TPCN1: variants seen among roughly 807,000 people sequenced by gnomAD.
The protein encoded by TPCN1 is two pore segment channel 1.
Under a neutral mutation model 108.8 loss-of-function variants are expected in TPCN1, and 52 were observed. That is an observed-to-expected ratio of 0.48 (90% CI 0.38 to 0.60). The LOEUF is 0.60. Among genes scored for constraint, TPCN1 ranks in the 20% least tolerant of loss-of-function variants. The pLI, the probability that TPCN1 is intolerant of heterozygous loss-of-function variation, is 0.00. For synonymous variants in TPCN1, 446 were observed against 433.7 expected, an observed-to-expected ratio of 1.03 and a Z score of -0.35; for missense variants, 806 against 1,072.8, an observed-to-expected ratio of 0.75 and a Z score of 3.47.
At chr12:113,278,283 C>T in intron 13 of TPCN1, 46 bp downstream of exon 13, 1 of 1,563,584 alleles carries the variant, frequency 6.4e-7, no homozygotes, top group Non-Finnish European at 8.8e-7. Context: ...AGAGAGGTCC[C>T]CACGTGGGGC....
At chr12:113,251,362 A>G (rs1053085259) in intron 2 of TPCN1, among the ~76,000 whole-genome samples, 1 of 152,248 alleles carries the variant, frequency 6.6e-6, no homozygotes, top group African/African-American at 2.4e-5. Context: ...CTTGGGCAAC[A>G]TAGTGAGACC....
chr12:113,240,618 T>C (rs533102354), intron 2 of TPCN1, among the ~76,000 whole-genome samples: 4 of 152,204 alleles, frequency 2.6e-5, no homozygotes, highest in Non-Finnish European at 4.4e-5. Flanking sequence ...TCTTAAGGGA[T>C]GTGAGTTGGT....
chr12:113,280,044 T>G (rs1017428362), intron 14 of TPCN1, 107 bp from the exon 15 acceptor site: 2 of 792,476 alleles, frequency 2.5e-6, no homozygotes, highest in African/African-American at 1.7e-5. Context: ...GCACGAAGAG[T>G]GTGGTAGGTG....
Position 113,273,224 on chromosome 12 carries a change from C to G in TPCN1, c.784-8C>G. On this transcript the variant is annotated splice_polypyrimidine_tract_variant and splice_region_variant and intron_variant, in intron 8 of 27. Transcript: ENST00000335509. The surrounding 1 kb of genome is among the most constrained non-coding windows in gnomAD (Gnocchi z 4.0). ...GTCCCGACTTCTCTGCCCTCTCTTC[C>G]CTTGCAGTACTTCAGCACCCTGGAG... The G allele has an allele frequency of 6.2e-7, 1 of 1,614,210 alleles. No homozygotes were observed. Among genetic ancestry groups the G allele is most frequent in the Non-Finnish European group, 8.5e-7 (1 of 1,180,006 alleles).
intron 2 of TPCN1, among the ~76,000 whole-genome samples, chr12:113,235,433 G>A (rs1361001280): frequency 6.7e-6 from 1 of 149,666 alleles, no homozygotes; most frequent in Non-Finnish European, 1.5e-5. Flanking sequence ...TTTTTTTATT[G>A]TTGTTAGCTT....
intron 15 of TPCN1, among the ~76,000 whole-genome samples, chr12:113,282,515 C>A (rs1298501756): frequency 6.6e-6 from 1 of 151,276 alleles, no homozygotes. Flanking sequence ...TTCAGGAGGC[C>A]GAGGCGGGTG....
chr12:113,261,990 T>G (rs2136586805), intron 3 of TPCN1, among the ~76,000 whole-genome samples: 1 of 152,330 alleles, frequency 6.6e-6, no homozygotes, highest in South Asian at 2.1e-4. Flanking sequence ...AAGTATTTCC[T>G]CTTTACTGAG....
chr12:113,277,949 T>C (rs543294004), intron 12 of TPCN1, among the ~76,000 whole-genome samples: 15 of 152,298 alleles, frequency 9.8e-5, no homozygotes, highest in Admixed American at 9.8e-4. Context: ...ACACTGTCCG[T>C]AGTTAGTGCC....
rs57100004 is a variant in TPCN1 at position 113,268,433 on chromosome 12, C to A, written c.529-309C>A. On this transcript the variant is annotated intron_variant, in intron 5 of 27. Transcript: ENST00000335509. The surrounding 1 kb of genome is among the most constrained non-coding windows in gnomAD (Gnocchi z 7.3). ...CAGAGCTGAAGAGGAGCTGCAGGCC[C>A]CGGGATCCCTGATGTGAGTGGCGAG... is the stretch of plus-strand genomic sequence containing the variant. Among the ~76,000 whole-genome samples, 4,939 of 152,256 alleles carry A rather than the reference C, an allele frequency of 0.032. 226 individuals carry two copies. The highest frequency in any genetic ancestry group is 0.15 in the East Asian group (770 of 5,174).
chr12:113,279,376 TATATATATATATA>T (rs1955798316), intron 14 of TPCN1, among the ~76,000 whole-genome samples: 2 of 32,498 alleles, frequency 6.2e-5, no homozygotes, highest in Non-Finnish European at 1.2e-4. Context: ...TATATATATA[TATATATATATATA>T]TATTTTTTTT....
intron 15 of TPCN1, among the ~76,000 whole-genome samples, chr12:113,281,284 C>T (rs1445256946): frequency 1.3e-5 from 2 of 152,170 alleles, no homozygotes; most frequent in Non-Finnish European, 2.9e-5. Context: ...AGGTGGTCCA[C>T]CTGCCTCAGC....
In TPCN1 at chr12:113,276,947, A is replaced by G. The variant is rs1332276752; in HGVS notation, c.971A>G (p.Asn324Ser). ...LLLAVVFDTF[N>S]DIEKRKFKSL... ...CTGGCTGTGGTGTTCGACACCTTCAATGACATTGAGAAACGCAAGTTCAAG... is the reference window on the plus strand; with the variant it reads ...CTGGCTGTGGTGTTCGACACCTTCAGTGACATTGAGAAACGCAAGTTCAAG... The change falls in exon 11 of 28, where the codon AAT (asparagine) becomes AGT (serine). Residue 324 changes from asparagine (N) to serine (S), a missense_variant. Transcript: ENST00000335509. 6 of 1,613,932 alleles carry G rather than the reference A, an allele frequency of 3.7e-6. No homozygotes were observed. Among genetic ancestry groups the G allele is most frequent in the South Asian group, 1.1e-5 (1 of 91,084 alleles).
At chr12:113,279,292 CAT>C (rs1460784243) in intron 14 of TPCN1, among the ~76,000 whole-genome samples, 85 of 134,484 alleles carry the variant, frequency 6.3e-4, no homozygotes, top group African/African-American at 2.1e-3. Context: ...TCCAATAACA[CAT>C]ATGTGTGTGT....
At chr12:113,250,216 C>G (rs182019710) in intron 2 of TPCN1, among the ~76,000 whole-genome samples, 229 of 152,318 alleles carry the variant, frequency 1.5e-3, no homozygotes, top group African/African-American at 5.3e-3. Context: ...GCTTTTGGCG[C>G]CAGCAGGATC....
intron 15 of TPCN1, 42 bp downstream of exon 15, chr12:113,280,237 A>G: frequency 1.3e-6 from 2 of 1,555,392 alleles, no homozygotes; most frequent in Non-Finnish European, 1.8e-6. Flanking sequence ...TTTCCCCCTG[A>G]GTCCTTTGCT....
At chr12:113,242,598 G>A (rs915932996) in intron 2 of TPCN1, among the ~76,000 whole-genome samples, 13 of 152,206 alleles carry the variant, frequency 8.5e-5, no homozygotes, top group African/African-American at 2.7e-4. Context: ...AATGCGAATC[G>A]TGGCTGTTAC....
chr12:113,240,572 TGAA>T (rs1467764383), intron 2 of TPCN1, among the ~76,000 whole-genome samples: 1 of 152,196 alleles, frequency 6.6e-6, no homozygotes, highest in East Asian at 1.9e-4. Context: ...ATTGAGGATG[TGAA>T]CCTTTCCTCC....
chr12:113,251,117 A>G (rs1274306006), intron 2 of TPCN1, among the ~76,000 whole-genome samples: 1 of 151,932 alleles, frequency 6.6e-6, no homozygotes, highest in Non-Finnish European at 1.5e-5. Flanking sequence ...ACCCTGATCA[A>G]CATGGCAAGA....
Position 113,288,286 on chromosome 12 carries a change from C to T in TPCN1, c.1706+52C>T. 6.2e-7 allele frequency: 1 copy of T among 1,611,636 alleles called. No individual in the cohort carries two copies. Among genetic ancestry groups the T allele is most frequent in the South Asian group, 1.1e-5 (1 of 90,888 alleles). On this transcript the variant is annotated intron_variant, in intron 20 of 27. Coordinates refer to ENST00000335509, the MANE Select transcript of TPCN1 (RefSeq NM_017901.6). The surrounding 1 kb of genome is among the most constrained non-coding windows in gnomAD (Gnocchi z 4.8). The stretch of plus-strand genomic sequence containing the variant: ...CAGGTCCAGGTGCCGTGTGGCAGTG[C>T]CCCGTGGGGGCGGGAGCCGAGTGGC...
Sources: gnomAD v4.1 joint callset for allele counts (sites outside exome capture counted in the v4.1 genomes callset) on GRCh38, gnomAD v4.1.1 for gene constraint, Gnocchi (gnomAD v3.1) non-coding constraint, MANE v1.5 for transcripts, NCBI Gene and HGNC (gene_info 2026-07-23, HGNC 2026-07-21) for gene names.